CMSS1: variants seen among roughly 807,000 people sequenced by gnomAD.
The protein encoded by CMSS1 is cms1 ribosomal small subunit homolog.
A neutral mutation model predicts 43.5 loss-of-function variants in CMSS1; 33 were observed. The observed-to-expected ratio is 0.76, with a 90% CI of 0.57 to 1.01. The LOEUF (loss-of-function observed/expected upper bound fraction) is 1.01, where lower values mean the gene tolerates loss of function less well. CMSS1 is among the 50% of genes least tolerant of loss of function. The probability of loss-of-function intolerance (pLI) is 0.00; values close to 1 mark genes in which losing one functional copy is unlikely to be tolerated. For missense variants in CMSS1, 313 were observed against 326.4 expected (o/e 0.96, Z 0.32); for synonymous variants, 115 against 117.2 (o/e 0.98, Z 0.12).
intron 1 of CMSS1, among the ~76,000 whole-genome samples, chr3:99,828,442 A>G (rs1429940925): frequency 7.2e-6 from 1 of 139,050 alleles, no homozygotes; most frequent in Non-Finnish European, 1.6e-5. Flanking sequence ...GAGCTTCATC[A>G]CTGCACCCTT....
rs369595874 is a variant in CMSS1, at chr3:100,094,021, A to G, written c.65-52952A>G. On this transcript the variant is annotated intron_variant, in intron 1 of 9. Coordinates refer to ENST00000421999, the MANE Select transcript of CMSS1 (RefSeq NM_032359.4). ...GTTCATATGGTAGTTTTATAGAGTT[A>G]CTGTACCAACTTACATTCCTACCAG... is the stretch of plus-strand genomic sequence containing the variant. 5.9e-5 allele frequency among the ~76,000 whole-genome samples: 9 copies of G among 152,344 alleles called. No homozygotes were observed. The South Asian group carries it at 1.9e-3, about 32-fold the overall frequency.
At chr3:99,908,848 A>C (rs547022414) in intron 1 of CMSS1, among the ~76,000 whole-genome samples, 2 of 152,180 alleles carry the variant, frequency 1.3e-5, no homozygotes, top group South Asian at 4.2e-4. Flanking sequence ...AATAGAATCT[A>C]CCATCTACAA....
intron 2 of CMSS1, among the ~76,000 whole-genome samples, chr3:100,149,378 C>A (rs540456859): frequency 6.6e-6 from 1 of 152,138 alleles, no homozygotes; most frequent in African/African-American, 2.4e-5. Context: ...TTTTACCTGT[C>A]CTCTCTCTTT....
chr3:99,948,462 T>G (rs1708077049), intron 1 of CMSS1, among the ~76,000 whole-genome samples: 1 of 147,680 alleles, frequency 6.8e-6, no homozygotes, highest in Admixed American at 6.9e-5. Flanking sequence ...CAGGATCACC[T>G]AAGTCCAAGA....
At chr3:99,944,192 AGT>A (rs745514632) in intron 1 of CMSS1, among the ~76,000 whole-genome samples, 22 of 152,180 alleles carry the variant, frequency 1.4e-4, no homozygotes, top group Non-Finnish European at 2.5e-4. Context: ...GTATTTTAAG[AGT>A]GTGTGTTATT....
At chr3:99,988,769 A>G (rs935407231) in intron 1 of CMSS1, among the ~76,000 whole-genome samples, 3 of 152,212 alleles carry the variant, frequency 2.0e-5, no homozygotes, top group Non-Finnish European at 4.4e-5. Context: ...GAAACATAGT[A>G]TAATAACACT....
intron 1 of CMSS1, among the ~76,000 whole-genome samples, chr3:100,087,944 C>T (rs999086761): frequency 5.9e-5 from 9 of 151,566 alleles, no homozygotes; most frequent in Non-Finnish European, 1.2e-4. Context: ...AATTCTCCTG[C>T]CTCAGCCTCT....
chr3:100,010,771 C>T (rs997323497), intron 1 of CMSS1, among the ~76,000 whole-genome samples: 4 of 136,466 alleles, frequency 2.9e-5, no homozygotes, highest in Admixed American at 8.0e-5. Context: ...CGCGCCTCCA[C>T]GCCCGGATTT....
At chr3:100,088,564 G>T (rs2066051561) in intron 1 of CMSS1, among the ~76,000 whole-genome samples, 3 of 152,058 alleles carry the variant, frequency 2.0e-5, no homozygotes, top group South Asian at 2.1e-4. Flanking sequence ...CTGAGAAAAC[G>T]ATTACATTTT....
At position 99,956,943 on chromosome 3, in the gene CMSS1, G is replaced by A. The variant is rs554025111; in HGVS notation, c.64+138900G>A. Among the ~76,000 whole-genome samples the A allele has an allele frequency of 1.8e-4, 27 of 152,174 alleles. No individual in the cohort carries two copies. The South Asian group carries it at 5.6e-3, about 32-fold the overall frequency. On this transcript the variant is annotated intron_variant, in intron 1 of 9. Transcript: ENST00000421999. ...ATGGCTTCCTAATTTCCAAATCCAG[G>A]AACCTCTTCTTAAAGAGGTCTTCCT...
intron 1 of CMSS1, among the ~76,000 whole-genome samples, chr3:99,861,071 C>T (rs77248672): frequency 0.039 from 5,929 of 151,846 alleles, 149 homozygotes; most frequent in Non-Finnish European, 0.062. Context: ...TTGTTTTCCT[C>T]CCCCACCCCC....
At chr3:100,009,123 G>T (rs565132395) in intron 1 of CMSS1, among the ~76,000 whole-genome samples, 1 of 152,220 alleles carries the variant, frequency 6.6e-6, no homozygotes, top group East Asian at 1.9e-4. Context: ...GAATATTCCC[G>T]AATGAGAATT....
intron 1 of CMSS1, among the ~76,000 whole-genome samples, chr3:99,870,659 A>G (rs1944741600): frequency 6.6e-6 from 1 of 152,188 alleles, no homozygotes; most frequent in Non-Finnish European, 1.5e-5. Flanking sequence ...AATGTTTGCT[A>G]CTGCTGAGGA....
intron 1 of CMSS1, among the ~76,000 whole-genome samples, chr3:99,875,325 C>CAGTT (rs1431612946): frequency 6.6e-6 from 1 of 152,142 alleles, no homozygotes; most frequent in Non-Finnish European, 1.5e-5. Context: ...CTGATTAATA[C>CAGTT]AGTTACTCTA....
At chr3:99,850,450 T>C (rs757849862) in intron 1 of CMSS1, 3 of 1,613,996 alleles carry the variant, frequency 1.9e-6, no homozygotes, top group Admixed American at 1.7e-5. Context: ...GTCTTTACTC[T>C]GTAACGTCTC....
chr3:100,016,756 A>AC (rs1363108273), intron 1 of CMSS1, among the ~76,000 whole-genome samples: 66 of 152,322 alleles, frequency 4.3e-4, no homozygotes, highest in African/African-American at 1.5e-3. Context: ...GTAACATTTT[A>AC]GATATGTGCA....
intron 1 of CMSS1, among the ~76,000 whole-genome samples, chr3:100,034,288 T>A (rs1262494301): frequency 6.6e-6 from 1 of 152,222 alleles, no homozygotes; most frequent in East Asian, 1.9e-4. Flanking sequence ...TGTGCTAATG[T>A]ACCACTTATT....
chr3:100,172,093 A>G, intron 7 of CMSS1, 194 bp downstream of exon 7: 2 of 633,930 alleles, frequency 3.2e-6, no homozygotes, highest in South Asian at 2.0e-5. Context: ...CGCTACTGCC[A>G]TGCTCTGTCC....
intron 1 of CMSS1, among the ~76,000 whole-genome samples, chr3:100,137,186 T>A (rs2066762966): frequency 6.6e-6 from 1 of 152,238 alleles, no homozygotes; most frequent in Admixed American, 6.5e-5. Context: ...AGGGATTGAG[T>A]AATTTTAGCA....
Sources: allele counts gnomAD v4.1 joint callset (sites outside exome capture counted in the v4.1 genomes callset), GRCh38; gene constraint gnomAD v4.1.1; transcripts MANE v1.5; gene names NCBI Gene and HGNC (gene_info 2026-07-23, HGNC 2026-07-21).